USP15: variants seen among roughly 807,000 people sequenced by gnomAD.
USP15 encodes the protein ubiquitin carboxyl-terminal hydrolase 15.
A neutral mutation model predicts 127.1 loss-of-function variants in USP15; 18 were observed. The ratio of observed to expected loss-of-function variants is 0.14; its 90% CI spans 0.10 to 0.21. USP15 has a LOEUF of 0.21. Ranked by LOEUF, USP15 falls within the 10% of genes least tolerant of loss-of-function variation. USP15 has a pLI of 1.00. For missense variants in USP15, 805 were observed against 1,159.9 expected, an observed-to-expected ratio of 0.69 and a Z score of 4.44; for synonymous variants, 364 against 393.7, an observed-to-expected ratio of 0.92 and a Z score of 0.89.
At chr12:62,346,261 T>G (rs1197599531) in intron 6 of USP15, among the ~76,000 whole-genome samples, 1 of 152,182 alleles carries the variant, frequency 6.6e-6, no homozygotes, top group Admixed American at 6.5e-5. Context: ...AATCAATAAT[T>G]TTTTATTTTT....
At chr12:62,378,022 C>T (rs11174451) in intron 8 of USP15, among the ~76,000 whole-genome samples, 40,174 of 152,020 alleles carry the variant, frequency 0.26, 6,607 homozygotes, top group East Asian at 0.44. Flanking sequence ...GCCTGGCCAA[C>T]ATGGCGAAAC....
chr12:62,351,518 A>G (rs545707685), intron 7 of USP15, among the ~76,000 whole-genome samples: 5 of 152,004 alleles, frequency 3.3e-5, no homozygotes, highest in Admixed American at 6.6e-5. Flanking sequence ...AATGTAGACT[A>G]TATTTTGACC....
intron 6 of USP15, among the ~76,000 whole-genome samples, chr12:62,336,920 A>G (rs1289167032): frequency 1.3e-5 from 2 of 152,254 alleles, no homozygotes; most frequent in Non-Finnish European, 2.9e-5. Context: ...TAAATGATAG[A>G]ATCTGAAACC....
intron 8 of USP15, among the ~76,000 whole-genome samples, chr12:62,373,748 C>T (rs947019032): frequency 6.6e-6 from 1 of 151,774 alleles, no homozygotes; most frequent in African/African-American, 2.4e-5. Context: ...TAAAGTAAAA[C>T]AGAGCTGTAG....
intron 6 of USP15, among the ~76,000 whole-genome samples, chr12:62,332,201 T>C (rs1039494445): frequency 1.3e-5 from 2 of 152,058 alleles, no homozygotes; most frequent in African/African-American, 4.8e-5. Flanking sequence ...TAACTGAATT[T>C]TTCTACTAGA....
intron 6 of USP15, among the ~76,000 whole-genome samples, chr12:62,348,856 A>G (rs1049390685): frequency 1.6e-4 from 25 of 152,164 alleles, no homozygotes; most frequent in Non-Finnish European, 3.1e-4. Context: ...GCCATGGTGT[A>G]CCAGTGAGAA....
chr12:62,323,074 A>C (rs1462137886), intron 5 of USP15, among the ~76,000 whole-genome samples: 1 of 152,178 alleles, frequency 6.6e-6, no homozygotes, highest in Non-Finnish European at 1.5e-5. Flanking sequence ...CTCAACTGTC[A>C]CATCATCTAT....
At chr12:62,392,922 G>A (rs2067369141) in intron 18 of USP15, 131 bp from the exon 19 acceptor site, 1 of 921,474 alleles carries the variant, frequency 1.1e-6, no homozygotes, top group South Asian at 1.7e-5. Flanking sequence ...TTTCAACCTG[G>A]TACATATTAG....
intron 3 of USP15, among the ~76,000 whole-genome samples, chr12:62,313,516 C>G (rs564361071): frequency 4.0e-5 from 6 of 151,644 alleles, no homozygotes; most frequent in Admixed American, 3.9e-4. Context: ...TTTTACTCAG[C>G]TATTGAGCCC....
intron 1 of USP15, among the ~76,000 whole-genome samples, chr12:62,263,646 A>T (rs565148523): frequency 6.6e-6 from 1 of 152,360 alleles, no homozygotes; most frequent in Admixed American, 6.5e-5. Flanking sequence ...ATCAAAATTA[A>T]TACGAGAGTA....
rs1050912956 is a variant in USP15 at position 62,414,725 on chromosome 12, T to G, written c.*10350T>G. 1.3e-5 allele frequency: 2 copies of G among 152,088 alleles called. No individual in the cohort carries two copies. Among genetic ancestry groups the G allele is most frequent in the African/African-American group, 4.8e-5 (2 of 41,396 alleles). The allele number at this position is 152,088 out of a possible 1,614,324, so 9.4% of individuals were successfully genotyped here. A position where few individuals can be genotyped will look rare whatever the true frequency, so the allele number is the denominator to read the frequency against. ...CCATTTTTAAAAATAGAAGTGTGTA[T>G]TCAGGGTGCACTCAATAGGATTACA... On this transcript the variant is annotated 3_prime_UTR_variant, in exon 22 of 22. Coordinates refer to ENST00000280377, the MANE Select transcript of USP15 (RefSeq NM_001252078.2).
intron 8 of USP15, among the ~76,000 whole-genome samples, chr12:62,368,038 CT>C (rs2066535963): frequency 1.3e-5 from 2 of 152,132 alleles, no homozygotes; most frequent in South Asian, 4.1e-4. Context: ...CAAAGAACAT[CT>C]TTATTTCTGC....
intron 8 of USP15, among the ~76,000 whole-genome samples, chr12:62,372,146 C>T (rs1346948177): frequency 6.6e-6 from 1 of 152,070 alleles, no homozygotes; most frequent in Non-Finnish European, 1.5e-5. Context: ...TTGACCTGAG[C>T]TATCTAAATT....
chr12:62,401,297 T>C (rs1229870527), intron 21 of USP15, 22 bp downstream of exon 21: 1 of 1,570,436 alleles, frequency 6.4e-7, no homozygotes, highest in Non-Finnish European at 8.8e-7. Context: ...TTATATTTCC[T>C]GAGAACTATG....
chr12:62,388,657 G>T (rs2067230517), intron 11 of USP15, among the ~76,000 whole-genome samples: 1 of 152,182 alleles, frequency 6.6e-6, no homozygotes, highest in Admixed American at 6.5e-5. Flanking sequence ...AGACATTAAA[G>T]GTTCGTGATA....
At chr12:62,290,331 T>C (rs564300999) in intron 1 of USP15, among the ~76,000 whole-genome samples, 12 of 152,314 alleles carry the variant, frequency 7.9e-5, no homozygotes, top group African/African-American at 2.9e-4. Context: ...TTAGGATTGT[T>C]ATGTCTTTCT....
At chr12:62,373,521 G>A (rs759465241) in intron 8 of USP15, among the ~76,000 whole-genome samples, 2 of 151,938 alleles carry the variant, frequency 1.3e-5, no homozygotes, top group Non-Finnish European at 1.5e-5. Context: ...ATATTCAAGT[G>A]TTAGGACAAC....
intron 8 of USP15, among the ~76,000 whole-genome samples, chr12:62,357,851 G>A (rs1036865938): frequency 1.3e-5 from 2 of 151,978 alleles, no homozygotes; most frequent in South Asian, 2.1e-4. Context: ...CAAAATGGTG[G>A]CAGTAGCCTT....
chr12:62,413,709 G>C lies in USP15; in HGVS notation c.*9334G>C, dbSNP rs2068089930. 3 of 143,090 alleles carry C rather than the reference G, an allele frequency of 2.1e-5. No homozygotes were observed. The highest frequency in any genetic ancestry group is 4.6e-5 in the Non-Finnish European group (3 of 65,680). The allele number at this position is 143,090 out of a possible 1,614,324, so 8.9% of individuals were successfully genotyped here. A position where few individuals can be genotyped will look rare whatever the true frequency, so the allele number is the denominator to read the frequency against. On this transcript the variant is annotated 3_prime_UTR_variant, in exon 22 of 22. Coordinates refer to ENST00000280377, the MANE Select transcript of USP15 (RefSeq NM_001252078.2). ...CTTAAGATAGTGTTGTGGCTGATTTGATCTATTAAAAAAAAAAAAACTCAG... is the reference window on the plus strand; with the variant it reads ...CTTAAGATAGTGTTGTGGCTGATTTCATCTATTAAAAAAAAAAAAACTCAG...
Sources: gnomAD v4.1 joint callset for allele counts (sites outside exome capture counted in the v4.1 genomes callset) on GRCh38, gnomAD v4.1.1 for gene constraint, MANE v1.5 for transcripts, NCBI Gene and HGNC (gene_info 2026-07-23, HGNC 2026-07-21) for gene names.